The following PTPRT variants were observed in gnomAD, a reference collection of about 807,000 sequenced individuals.
The protein encoded by PTPRT is receptor-type tyrosine-protein phosphatase T.
Under a neutral mutation model 176.8 loss-of-function variants are expected in PTPRT, and 56 were observed. The ratio of observed to expected loss-of-function variants is 0.32; its 90% CI spans 0.26 to 0.40. The LOEUF (loss-of-function observed/expected upper bound fraction) is 0.40, where lower values mean the gene tolerates loss of function less well. Among genes scored for constraint, PTPRT ranks in the 10% least tolerant of loss-of-function variants. The probability of loss-of-function intolerance (pLI) is 1.00; values close to 1 mark genes in which losing one functional copy is unlikely to be tolerated. For synonymous variants in PTPRT, 783 were observed against 739.0 expected (o/e 1.06, Z -0.96); for missense variants, 1,540 against 1,908.2 (o/e 0.81, Z 3.60).
chr20:42,335,555 A>C (rs1399267037), intron 11 of PTPRT, among the ~76,000 whole-genome samples: 1 of 152,218 alleles, frequency 6.6e-6, no homozygotes, highest in Non-Finnish European at 1.5e-5. Flanking sequence ...TATAAATAAG[A>C]AGTGAATGTT....
intron 18 of PTPRT, among the ~76,000 whole-genome samples, chr20:42,132,382 A>T (rs1988161976): frequency 6.6e-6 from 1 of 152,202 alleles, no homozygotes; most frequent in Admixed American, 6.5e-5. Context: ...AAGAAATGAG[A>T]GGATAAGCCA....
chr20:43,157,283 G>T (rs1024765878), intron 1 of PTPRT, among the ~76,000 whole-genome samples: 1 of 152,026 alleles, frequency 6.6e-6, no homozygotes, highest in African/African-American at 2.4e-5. Context: ...AGGATCACTT[G>T]AGCCTGAGAG....
chr20:42,867,251 G>A (rs542372096), intron 2 of PTPRT, among the ~76,000 whole-genome samples: 31 of 152,132 alleles, frequency 2.0e-4, no homozygotes, highest in Non-Finnish European at 3.7e-4. Flanking sequence ...TTTTAGAGAC[G>A]AGCATGAGGC....
chr20:42,723,645 C>T (rs2076336099), intron 6 of PTPRT, among the ~76,000 whole-genome samples: 1 of 152,212 alleles, frequency 6.6e-6, no homozygotes, highest in South Asian at 2.1e-4. Flanking sequence ...GGACACACCT[C>T]CCTTTCTACC....
chr20:42,873,164 T>C (rs949483653), intron 2 of PTPRT, among the ~76,000 whole-genome samples: 3 of 152,204 alleles, frequency 2.0e-5, no homozygotes, highest in South Asian at 2.1e-4. Flanking sequence ...AAGTGTTATG[T>C]CCATGTGCTA....
At chr20:42,143,556 C>CAAAAA (rs36027241) in intron 17 of PTPRT, among the ~76,000 whole-genome samples, 3 of 97,432 alleles carry the variant, frequency 3.1e-5, no homozygotes, top group Admixed American at 1.0e-4. Context: ...GACTCTGTTT[C>CAAAAA]AAAAAAAAAA....
intron 2 of PTPRT, among the ~76,000 whole-genome samples, chr20:42,848,840 G>A (rs1374813813): frequency 6.6e-6 from 1 of 152,054 alleles, no homozygotes; most frequent in African/African-American, 2.4e-5. Context: ...ATTTATCTTT[G>A]TTTTTGTCGA....
chr20:42,126,773 T>C (rs1421059611), intron 19 of PTPRT, among the ~76,000 whole-genome samples: 1 of 152,218 alleles, frequency 6.6e-6, no homozygotes, highest in Non-Finnish European at 1.5e-5. Flanking sequence ...GTGGAGGGTC[T>C]GCTCTGTGTT....
chr20:43,100,917 A>G (rs1307795411), intron 1 of PTPRT, among the ~76,000 whole-genome samples: 1 of 152,088 alleles, frequency 6.6e-6, no homozygotes, highest in East Asian at 1.9e-4. Flanking sequence ...GATGGCATTA[A>G]TAGTAGCTAA....
At chr20:42,751,985 C>T (rs1398433872) in intron 6 of PTPRT, among the ~76,000 whole-genome samples, 4 of 152,126 alleles carry the variant, frequency 2.6e-5, no homozygotes, top group Non-Finnish European at 5.9e-5. Flanking sequence ...CTAGAGAACC[C>T]TAATAAAAGA....
At chr20:42,930,289 G>C (rs1289366990) in intron 1 of PTPRT, among the ~76,000 whole-genome samples, 1 of 152,100 alleles carries the variant, frequency 6.6e-6, no homozygotes, top group Non-Finnish European at 1.5e-5. Context: ...TCAGCTGAGG[G>C]GGCTGGATCC....
chr20:42,528,052 C>T (rs2145526199), intron 7 of PTPRT, among the ~76,000 whole-genome samples: 1 of 152,316 alleles, frequency 6.6e-6, no homozygotes, highest in Non-Finnish European at 1.5e-5. Context: ...GCCTCATAGG[C>T]CCATGATCTG....
intron 2 of PTPRT, among the ~76,000 whole-genome samples, chr20:42,838,918 G>T (rs546405750): frequency 6.6e-6 from 1 of 152,242 alleles, no homozygotes; most frequent in African/African-American, 2.4e-5. Flanking sequence ...TTGGGCTTGG[G>T]ATGATGAGAC....
At chr20:42,274,104 A>C (rs2056984945) in intron 13 of PTPRT, among the ~76,000 whole-genome samples, 1 of 152,228 alleles carries the variant, frequency 6.6e-6, no homozygotes, top group Non-Finnish European at 1.5e-5. Flanking sequence ...ATGGTTCTAG[A>C]GATGTCTCAT....
rs972221253 is a variant in PTPRT, at chr20:43,071,512, C to T, written c.88+118134G>A. ...AAGACAGGAAAGTTCAGGCCAGGCGCGGTGGCTCATGCCTGTAATCCCAGC... is the reference window on the plus strand; with the variant it reads ...AAGACAGGAAAGTTCAGGCCAGGCGTGGTGGCTCATGCCTGTAATCCCAGC... On this transcript the variant is annotated intron_variant, in intron 1 of 30. Coordinates refer to ENST00000373187, the MANE Select transcript of PTPRT (RefSeq NM_007050.6). Among the ~76,000 whole-genome samples the T allele has an allele frequency of 2.6e-5, 4 of 152,096 alleles. 1 individual carries two copies. Among genetic ancestry groups the T allele is most frequent in the Admixed American group, 2.6e-4 (4 of 15,258 alleles).
At position 42,079,630 on chromosome 20, in the gene PTPRT, C is replaced by A; in HGVS notation, c.*1249G>T. ...TCACACTTTGGACAAGACCCTAGAT[C>A]TCCAGGCCTGATTCTCTTGGCCTAT... On this transcript the variant is annotated 3_prime_UTR_variant, in exon 31 of 31. Transcript: ENST00000373187. 2 of 227,638 alleles carry A rather than the reference C, an allele frequency of 8.8e-6. No individual in the cohort carries two copies. The highest frequency in any genetic ancestry group is 1.7e-5 in the Non-Finnish European group (2 of 114,502). 14.1% of individuals were successfully genotyped at this position (227,638 alleles called of 1,614,324 possible).
At chr20:42,666,305 C>T (rs1249504969) in intron 7 of PTPRT, among the ~76,000 whole-genome samples, 1 of 151,846 alleles carries the variant, frequency 6.6e-6, no homozygotes, top group African/African-American at 2.4e-5. Flanking sequence ...TATTTGAATG[C>T]CTATTTATTT....
In PTPRT at chr20:42,975,105, T is replaced by C. The variant is rs140329924; in HGVS notation, c.89-89173A>G. On this transcript the variant is annotated intron_variant, in intron 1 of 30. Coordinates refer to ENST00000373187, the MANE Select transcript of PTPRT (RefSeq NM_007050.6). ...GAAATAATCTGTGGAATATCTGATA[T>C]AGACACAAAGGACAAGAGATTAAAA... Among the ~76,000 whole-genome samples, 65 of 152,344 alleles carry C rather than the reference T, an allele frequency of 4.3e-4. No individual in the cohort carries two copies. In the East Asian group the frequency reaches 0.012, roughly 28 times the overall value.
At chr20:42,364,552 A>G (rs1018211283) in intron 9 of PTPRT, among the ~76,000 whole-genome samples, 2 of 151,942 alleles carry the variant, frequency 1.3e-5, no homozygotes, top group Non-Finnish European at 2.9e-5. Context: ...TAAAACGATC[A>G]TTTATACTAA....
Sources: gnomAD v4.1 joint callset for allele counts (sites outside exome capture counted in the v4.1 genomes callset) on GRCh38, gnomAD v4.1.1 for gene constraint, MANE v1.5 for transcripts, NCBI Gene and HGNC (gene_info 2026-07-23, HGNC 2026-07-21) for gene names.